Variants in BICRA observed in about 807,000 individuals in gnomAD.
The protein encoded by BICRA is BRD4 interacting chromatin remodeling complex associated protein.
A neutral mutation model predicts 96.9 loss-of-function variants in BICRA; 31 were observed. That is an observed-to-expected ratio of 0.32 (90% CI 0.24 to 0.43). The LOEUF is 0.43. Among genes scored for constraint, BICRA ranks in the 20% least tolerant of loss-of-function variants. The probability of loss-of-function intolerance (pLI) is 1.00; values close to 1 mark genes in which losing one functional copy is unlikely to be tolerated. For synonymous variants in BICRA, 1,350 were observed against 1,071.8 expected, an observed-to-expected ratio of 1.26 and a Z score of -5.07; for missense variants, 2,283 against 2,190.3, an observed-to-expected ratio of 1.04 and a Z score of -0.84.
intron 2 of BICRA, among the ~76,000 whole-genome samples, chr19:47,673,364 G>C (rs1972894228): frequency 6.6e-6 from 1 of 152,064 alleles, no homozygotes; most frequent in Non-Finnish European, 1.5e-5. Flanking sequence ...AGTTGGAGTG[G>C]GAGGAAAAGG....
chr19:47,696,363 C>G lies in BICRA; in HGVS notation c.3187-88C>G. Reference sequence around the variant, plus strand: ...TGGGTGAGACACTGGTCCCCTGTCCCGTCTTTATCCTAGGCTAGAGGGGAA... The same window carrying G: ...TGGGTGAGACACTGGTCCCCTGTCCGGTCTTTATCCTAGGCTAGAGGGGAA... On this transcript the variant is annotated intron_variant, in intron 10 of 14. Coordinates refer to ENST00000594866, the MANE Select transcript of BICRA (RefSeq NM_001394372.1). 2.4e-6 allele frequency: 3 copies of G among 1,253,920 alleles called. No individual in the cohort carries two copies. In the South Asian group the frequency reaches 4.0e-5, roughly 17 times the overall value. The allele number at this position is 1,253,920 out of a possible 1,614,324, so 77.7% of individuals were successfully genotyped here.
chr19:47,611,066 T>C (rs1971899473), intron 1 of BICRA, among the ~76,000 whole-genome samples: 1 of 152,116 alleles, frequency 6.6e-6, no homozygotes, highest in Admixed American at 6.6e-5. Flanking sequence ...GACAGGTTCA[T>C]GGAGGCTCAG....
chr19:47,695,344 C>CTG, intron 9 of BICRA, 21 bp from the exon 10 acceptor site: 2 of 513,688 alleles, frequency 3.9e-6, no homozygotes, highest in South Asian at 2.1e-5. Flanking sequence ...GCCCTGTCTC[C>CTG]CCCACCCCAC....
intron 1 of BICRA, among the ~76,000 whole-genome samples, chr19:47,652,816 G>A (rs1972559206): frequency 6.6e-6 from 1 of 152,104 alleles, no homozygotes; most frequent in Non-Finnish European, 1.5e-5. Flanking sequence ...TTCATAGTTA[G>A]TCATTGTGTT....
chr19:47,652,617 T>C (rs552894545), intron 1 of BICRA, among the ~76,000 whole-genome samples: 9 of 152,352 alleles, frequency 5.9e-5, no homozygotes, highest in Admixed American at 4.6e-4. Flanking sequence ...CTTTTTAGCT[T>C]GTGTGCATTC....
At chr19:47,608,746 C>T (rs571517049), upstream of BICRA, among the ~76,000 whole-genome samples, 1,350 of 151,664 alleles carry the variant, frequency 8.9e-3, 11 homozygotes, top group Non-Finnish European at 0.013. Context: ...GGCTCCGGGT[C>T]CCGCCGCTCG....
intron 1 of BICRA, among the ~76,000 whole-genome samples, chr19:47,635,835 T>A (rs1439466314): frequency 6.6e-6 from 1 of 152,214 alleles, no homozygotes; most frequent in Non-Finnish European, 1.5e-5. Context: ...ACAGTTTGTT[T>A]ACCCACTTTT....
intron 1 of BICRA, among the ~76,000 whole-genome samples, chr19:47,644,832 A>G (rs1385388994): frequency 6.6e-6 from 1 of 152,176 alleles, no homozygotes; most frequent in Non-Finnish European, 1.5e-5. Context: ...TCTACAGGCC[A>G]GTAGAGCAAA....
chr19:47,681,095 C>G lies in BICRA; in HGVS notation c.1925C>G (p.Pro642Arg). Residue 642 changes from proline to arginine, a missense_variant, in exon 6 of 15, where the codon CCG becomes CGG. Coordinates refer to ENST00000594866, the MANE Select transcript of BICRA (RefSeq NM_001394372.1). The part of the protein sequence containing the change: ...STPLPLGLQQ[P>R]QAQQPPQAPT... ...CCCCTGCCCCTGGGCCTCCAGCAGC[C>G]GCAGGCGCAGCAGCCCCCGCAGGCC... The G allele has an allele frequency of 6.9e-7, 1 of 1,452,742 alleles. No individual in the cohort carries two copies. The highest frequency in any genetic ancestry group is 9.1e-7 in the Non-Finnish European group (1 of 1,099,702). The allele number at this position is 1,452,742 out of a possible 1,614,324, so 90.0% of individuals were successfully genotyped here. A position where few individuals can be genotyped will look rare whatever the true frequency, so the allele number is the denominator to read the frequency against.
chr19:47,611,527 C>T (rs1168308369), intron 1 of BICRA, among the ~76,000 whole-genome samples: 1 of 152,210 alleles, frequency 6.6e-6, no homozygotes, highest in African/African-American at 2.4e-5. Context: ...TGCTGCTACT[C>T]AGCCCTGAAG....
intron 1 of BICRA, among the ~76,000 whole-genome samples, chr19:47,623,110 T>C (rs1194232203): frequency 6.6e-6 from 1 of 151,916 alleles, no homozygotes; most frequent in East Asian, 1.9e-4. Context: ...AATATAAAAC[T>C]ATACATTATT....
chr19:47,610,617 C>CCCAA (rs751553560), intron 1 of BICRA, among the ~76,000 whole-genome samples: 3 of 146,420 alleles, frequency 2.0e-5, no homozygotes, highest in African/African-American at 7.8e-5. Context: ...CACCCCCCCC[C>CCCAA]CACACACACA....
At chr19:47,695,926 CGTG>C (rs1568578119) in intron 10 of BICRA, among the ~76,000 whole-genome samples, 2 of 151,680 alleles carry the variant, frequency 1.3e-5, no homozygotes, top group African/African-American at 4.8e-5. Context: ...AGATGTAAGA[CGTG>C]GGGGAGACAG....
intron 1 of BICRA, among the ~76,000 whole-genome samples, chr19:47,612,506 T>G (rs1971923390): frequency 6.6e-6 from 1 of 152,072 alleles, no homozygotes; most frequent in Non-Finnish European, 1.5e-5. Flanking sequence ...GAAGGCCACC[T>G]GCAAACGAAC....
chr19:47,694,083 G>GGCCCCCCCCCCCCCCCC, intron 7 of BICRA, 32 bp from the exon 8 acceptor site: 1 of 1,093,876 alleles, frequency 9.1e-7, no homozygotes, highest in Non-Finnish European at 1.2e-6. Flanking sequence ...TCTGACCCCC[G>GGCCCCCCCCCCCCCCCC]CCCCTCCCCT....
chr19:47,654,493 A>T (rs544432989), intron 1 of BICRA, among the ~76,000 whole-genome samples: 28 of 151,536 alleles, frequency 1.8e-4, no homozygotes, highest in African/African-American at 4.6e-4. Flanking sequence ...TATTATTATT[A>T]TTTTTTGAGA....
At chr19:47,690,335 G>A (rs576428712) in intron 7 of BICRA, among the ~76,000 whole-genome samples, 1 of 152,190 alleles carries the variant, frequency 6.6e-6, no homozygotes, top group Non-Finnish European at 1.5e-5. Context: ...ACATATGCAG[G>A]TCTGTTTACT....
chr19:47,679,806 G>A lies in BICRA; in HGVS notation c.636G>A (p.Pro212=), dbSNP rs554751191. The change falls in exon 6 of 15, where the codon CCG becomes CCA. Residue 212 remains proline (P), a synonymous_variant. Transcript: ENST00000594866. ...GCAATGTGACACTGCAGCCCATCCC[G>A]GGCCTCCAAGGCCTGCCCAATGGCA... ...GLGNVTLQPI[P]GLQGLPNGSP... The A allele has an allele frequency of 2.0e-6, 3 of 1,486,180 alleles. No homozygotes were observed. Among genetic ancestry groups the A allele is most frequent in the South Asian group, 1.3e-5 (1 of 75,486 alleles). The allele number at this position is 1,486,180 out of a possible 1,614,324, so 92.1% of individuals were successfully genotyped here.
intron 1 of BICRA, among the ~76,000 whole-genome samples, chr19:47,641,111 C>T (rs539033994): frequency 8.0e-5 from 11 of 136,672 alleles, no homozygotes; most frequent in African/African-American, 2.8e-4. Flanking sequence ...TAGTACAGAC[C>T]GGGTTTCACT....
Sources: gnomAD v4.1 joint callset for allele counts (sites outside exome capture counted in the v4.1 genomes callset) on GRCh38, gnomAD v4.1.1 for gene constraint, MANE v1.5 for transcripts, NCBI Gene and HGNC (gene_info 2026-07-23, HGNC 2026-07-21) for gene names.